Variants in MCCC1 observed in about 807,000 individuals in gnomAD.
The protein encoded by MCCC1 is methylcrotonoyl-CoA carboxylase subunit alpha, mitochondrial.
Under a neutral mutation model 83.8 loss-of-function variants are expected in MCCC1, and 64 were observed. The observed-to-expected ratio is 0.76, with a 90% confidence interval of 0.62 to 0.94. The LOEUF is 0.94. Among genes scored for constraint, MCCC1 ranks in the 40% least tolerant of loss-of-function variants. MCCC1 has a pLI of 0.00. For synonymous variants in MCCC1, 322 were observed against 315.4 expected (o/e 1.02, Z -0.22); for missense variants, 807 against 904.7 (o/e 0.89, Z 1.39).
chr3:183,099,264 G>A, intron 1 of MCCC1, 88 bp downstream of exon 1: 2 of 1,464,938 alleles, frequency 1.4e-6, no homozygotes, highest in Non-Finnish European at 1.9e-6. Context: ...CACCGACCCT[G>A]GGTTCCGCCG....
In MCCC1 at chr3:183,021,682, C is replaced by T. The variant is rs75850613; in HGVS notation, c.1869+735G>A. Among the ~76,000 whole-genome samples the T allele has an allele frequency of 1.1e-4, 17 of 152,244 alleles. No homozygotes were observed. The East Asian group carries it at 2.3e-3, about 21-fold the overall frequency. On this transcript the variant is annotated intron_variant, in intron 16 of 18. Transcript: ENST00000265594. ...TTGAGTTTTTCACCATTCCATTATA[C>T]GGCCTCTATCATCATATTACTGTAG...
chr3:183,101,333 G>A (rs1302388787), upstream of MCCC1, among the ~76,000 whole-genome samples: 1 of 152,262 alleles, frequency 6.6e-6, no homozygotes, highest in African/African-American at 2.4e-5. Flanking sequence ...GCCCCGGTGC[G>A]GGATCCACTA....
At chr3:183,037,932 A>T (rs1308372317) in intron 12 of MCCC1, among the ~76,000 whole-genome samples, 3 of 152,206 alleles carry the variant, frequency 2.0e-5, no homozygotes, top group Admixed American at 6.5e-5. Context: ...TACCGATACA[A>T]AAATTTTAAA....
chr3:183,032,873 CA>C (rs374480916), intron 14 of MCCC1, among the ~76,000 whole-genome samples: 32,274 of 115,488 alleles, frequency 0.28, 3,776 homozygotes, highest in East Asian at 0.57. Context: ...GAGTCTGTGT[CA>C]AAAAAAAAAA....
intron 18 of MCCC1, among the ~76,000 whole-genome samples, chr3:183,016,722 G>A (rs1054895001): frequency 2.6e-5 from 4 of 152,224 alleles, no homozygotes; most frequent in Non-Finnish European, 5.9e-5. Context: ...TTGTCAAGCT[G>A]AAAAATCCTT....
upstream of MCCC1, chr3:183,099,728 T>TC (rs1221213121): frequency 2.1e-5 from 11 of 533,688 alleles, no homozygotes; most frequent in Admixed American, 3.2e-5. Flanking sequence ...GCAAGGGTTT[T>TC]CTCCATCCTC....
At chr3:183,099,309 T>C (rs1577376162) in intron 1 of MCCC1, 43 bp downstream of exon 1, 2 of 1,553,072 alleles carry the variant, frequency 1.3e-6, no homozygotes, top group Admixed American at 1.9e-5. Context: ...CGTGCACCCC[T>C]CGCTCCCGCC....
At chr3:183,039,531 A>T (rs1713896543) in intron 11 of MCCC1, among the ~76,000 whole-genome samples, 1 of 152,168 alleles carries the variant, frequency 6.6e-6, no homozygotes, top group Admixed American at 6.5e-5. Context: ...CTAGTCAAGC[A>T]AGTTTAATAA....
chr3:183,099,323 G>T (rs1303503603), intron 1 of MCCC1, 29 bp downstream of exon 1: 2 of 1,571,844 alleles, frequency 1.3e-6, no homozygotes, highest in African/African-American at 1.4e-5. Flanking sequence ...TCCCGCCTCT[G>T]CCCACTGAGC....
intron 14 of MCCC1, among the ~76,000 whole-genome samples, chr3:183,030,031 G>A (rs1051465170): frequency 5.9e-5 from 9 of 152,274 alleles, no homozygotes; most frequent in African/African-American, 1.2e-4. Flanking sequence ...CTCTAGGCCT[G>A]GGGAGGTGGC....
At chr3:183,059,738 T>C (rs1402891368) in intron 7 of MCCC1, among the ~76,000 whole-genome samples, 1 of 152,234 alleles carries the variant, frequency 6.6e-6, no homozygotes, top group Non-Finnish European at 1.5e-5. Flanking sequence ...AAAGTCTTTA[T>C]TTCTCCTTCA....
At position 183,055,216 on chromosome 3, in the gene MCCC1, A is replaced by G. The variant is rs955867547; in HGVS notation, c.873+2095T>C. ...CAGGAGTTCAATATCAGCCTGGCCAAGATGGTGAAACCCCGTCTCTACTAA... is the reference window on the plus strand; with the variant it reads ...CAGGAGTTCAATATCAGCCTGGCCAGGATGGTGAAACCCCGTCTCTACTAA... On this transcript the variant is annotated intron_variant, in intron 8 of 18. Transcript: ENST00000265594. Among the ~76,000 whole-genome samples, 70 of 150,990 alleles carry G rather than the reference A, an allele frequency of 4.6e-4. 2 individuals are homozygous for G. The highest frequency in any genetic ancestry group is 7.4e-5 in the Non-Finnish European group (5 of 67,774).
intron 10 of MCCC1, among the ~76,000 whole-genome samples, chr3:183,043,262 G>T (rs993693208): frequency 6.6e-6 from 1 of 152,318 alleles, no homozygotes; most frequent in South Asian, 2.1e-4. Flanking sequence ...ACTCCAGCCT[G>T]GGCAAAAAGA....
chr3:183,106,284 A>G (rs1217521707), intron 1 of MCCC1, among the ~76,000 whole-genome samples: 2 of 152,144 alleles, frequency 1.3e-5, no homozygotes, highest in African/African-American at 4.8e-5. Flanking sequence ...TCCTTTAAAA[A>G]GCTTACTCCC....
At chr3:183,055,564 T>G (rs895011031) in intron 8 of MCCC1, among the ~76,000 whole-genome samples, 1 of 152,200 alleles carries the variant, frequency 6.6e-6, no homozygotes, top group Admixed American at 6.5e-5. Context: ...GTCCCTTGTA[T>G]CTACATGACA....
intron 10 of MCCC1, 113 bp from the exon 11 acceptor site, chr3:183,041,863 G>A: frequency 8.3e-7 from 1 of 1,199,626 alleles, no homozygotes. Context: ...GTTTTGCAAT[G>A]CAGCCAAATA....
intron 7 of MCCC1, among the ~76,000 whole-genome samples, chr3:183,060,577 A>C (rs1460702364): frequency 1.3e-5 from 2 of 151,570 alleles, no homozygotes; most frequent in African/African-American, 4.9e-5. Context: ...ATACACTTAT[A>C]GTTTTTTTTT....
chr3:183,094,154 T>C (rs1367003393), intron 2 of MCCC1, among the ~76,000 whole-genome samples: 1 of 151,134 alleles, frequency 6.6e-6, no homozygotes, highest in Non-Finnish European at 1.5e-5. Context: ...GTTCAAGCAA[T>C]TCTCCTGCCT....
At chr3:183,083,400 T>G (rs530446627) in intron 4 of MCCC1, among the ~76,000 whole-genome samples, 6 of 152,252 alleles carry the variant, frequency 3.9e-5, no homozygotes, top group Admixed American at 1.3e-4. Context: ...CATTCACTCA[T>G]GTTACTTGGC....
Sources: gnomAD v4.1 joint callset for allele counts (sites outside exome capture counted in the v4.1 genomes callset) on GRCh38, gnomAD v4.1.1 for gene constraint, MANE v1.5 for transcripts, NCBI Gene and HGNC (gene_info 2026-07-23, HGNC 2026-07-21) for gene names.